The following LINGO2 variants were observed in gnomAD, a reference collection of about 807,000 sequenced individuals.
The protein encoded by LINGO2 is leucine rich repeat and Ig domain containing 2.
LINGO2 carries 14 observed loss-of-function variants against 30.6 expected under a neutral mutation model. The ratio of observed to expected loss-of-function variants is 0.46; its 90% CI spans 0.30 to 0.72. The LOEUF (loss-of-function observed/expected upper bound fraction) is 0.72. Ranked by LOEUF, LINGO2 falls within the 30% of genes least tolerant of loss-of-function variation. The probability of loss-of-function intolerance (pLI) is 0.07; values close to 1 mark genes in which losing one functional copy is unlikely to be tolerated. For synonymous variants in LINGO2, 317 were observed against 288.5 expected (o/e 1.10, Z -1.00); for missense variants, 729 against 751.7 (o/e 0.97, Z 0.35).
the LINGO2 span, among the ~76,000 whole-genome samples, chr9:29,085,281 T>TAAAAAAAAAAAAAAAAAAAAAA: frequency 1.3e-5 from 1 of 77,036 alleles, no homozygotes; most frequent in Admixed American, 1.6e-4. Flanking sequence ...CTATGGTAAG[T>TAAAAAAAAAAAAAAAAAAAAAA]AAAAAAAAAA....
chr9:28,985,020 C>T, the LINGO2 span, among the ~76,000 whole-genome samples: 3 of 152,042 alleles, frequency 2.0e-5, no homozygotes, highest in Non-Finnish European at 4.4e-5. Flanking sequence ...CATTATCTCC[C>T]CACTGCCTCC....
At chr9:28,950,798 A>T in the LINGO2 span, among the ~76,000 whole-genome samples, 1 of 152,188 alleles carries the variant, frequency 6.6e-6, no homozygotes, top group Non-Finnish European at 1.5e-5. Flanking sequence ...AAGAATCAAT[A>T]TGGTGGTGAA....
In LINGO2 at chr9:28,668,051, A is replaced by G. The variant is rs1184611030; in HGVS notation, c.-365+2149T>C. 1.2e-4 allele frequency among the ~76,000 whole-genome samples: 18 copies of G among 151,998 alleles called. 1 individual carries two copies. The highest frequency in any genetic ancestry group is 1.5e-5 in the Non-Finnish European group (1 of 68,032). ...ATATTCACAATTTTTCTAGCTCTTA[A>G]CTAATATCATGGATTTTTTTTTAAT... On this transcript the variant is annotated intron_variant, in intron 1 of 5. Coordinates refer to ENST00000379992, the Ensembl canonical transcript of LINGO2.
the LINGO2 span, among the ~76,000 whole-genome samples, chr9:28,733,834 T>C: frequency 6.6e-6 from 1 of 152,160 alleles, no homozygotes; most frequent in Non-Finnish European, 1.5e-5. Context: ...ATATCTATTC[T>C]TCATTGGCCA....
the LINGO2 span, among the ~76,000 whole-genome samples, chr9:29,203,152 T>C: frequency 6.6e-6 from 1 of 152,168 alleles, no homozygotes; most frequent in Non-Finnish European, 1.5e-5. Flanking sequence ...GAATATGTTC[T>C]AGAATGATCT....
the LINGO2 span, among the ~76,000 whole-genome samples, chr9:28,894,619 G>A: frequency 1.3e-5 from 2 of 151,566 alleles, no homozygotes; most frequent in Non-Finnish European, 2.9e-5. Flanking sequence ...AGAAGCAATA[G>A]TATTTTTTGC....
chr9:29,070,925 C>T, the LINGO2 span, among the ~76,000 whole-genome samples: 1 of 150,448 alleles, frequency 6.6e-6, no homozygotes, highest in East Asian at 2.0e-4. Flanking sequence ...CCTCTCCAAC[C>T]CCATCCTTGT....
intron 2 of LINGO2, among the ~76,000 whole-genome samples, chr9:28,457,505 C>T (rs1824897578): frequency 6.6e-6 from 1 of 152,066 alleles, no homozygotes; most frequent in African/African-American, 2.4e-5. Flanking sequence ...CCTCAAACTC[C>T]TGGGCTCAAG....
chr9:28,045,334 G>T (rs1824371226), intron 4 of LINGO2, among the ~76,000 whole-genome samples: 1 of 152,250 alleles, frequency 6.6e-6, no homozygotes. Context: ...TTTATAGACA[G>T]ACTGCTTAAA....
chr9:28,610,889 C>T (rs1168344003), intron 1 of LINGO2, among the ~76,000 whole-genome samples: 2 of 152,110 alleles, frequency 1.3e-5, no homozygotes, highest in Non-Finnish European at 2.9e-5. Flanking sequence ...AGATCTCTAA[C>T]ATTTTATTTT....
chr9:29,082,626 G>A, the LINGO2 span, among the ~76,000 whole-genome samples: 1 of 151,854 alleles, frequency 6.6e-6, no homozygotes. Flanking sequence ...AAAGAAAGTA[G>A]CATCAGAGTG....
chr9:28,852,335 G>T, the LINGO2 span, among the ~76,000 whole-genome samples: 8 of 151,918 alleles, frequency 5.3e-5, no homozygotes, highest in Non-Finnish European at 1.2e-4. Context: ...GTATTACAGA[G>T]AACAAAGGCT....
the LINGO2 span, chr9:28,889,010 C>A: frequency 4.2e-6 from 2 of 481,244 alleles, no homozygotes; most frequent in East Asian, 6.1e-5. Flanking sequence ...ATATTTCCTC[C>A]ATTTCAAGTG....
chr9:28,475,825 T>C (rs1275781118), intron 2 of LINGO2, 115 bp downstream of exon 4: 1 of 152,594 alleles, frequency 6.6e-6, no homozygotes, highest in Non-Finnish European at 1.5e-5. Context: ...TGAAAATACA[T>C]TTCACAGGGT....
intron 1 of LINGO2, among the ~76,000 whole-genome samples, chr9:28,476,436 C>T (rs1259999500): frequency 9.2e-5 from 14 of 152,044 alleles, no homozygotes; most frequent in African/African-American, 2.4e-4. Flanking sequence ...CCACCACGCC[C>T]GGCTAATTTT....
At chr9:28,296,601 T>C (rs982753006) in intron 3 of LINGO2, among the ~76,000 whole-genome samples, 6 of 152,176 alleles carry the variant, frequency 3.9e-5, no homozygotes, top group Non-Finnish European at 5.9e-5. Flanking sequence ...TGATATCCTA[T>C]TACACCATTT....
the LINGO2 span, among the ~76,000 whole-genome samples, chr9:28,772,207 T>C: frequency 6.6e-6 from 1 of 152,236 alleles, no homozygotes; most frequent in Admixed American, 6.5e-5. Context: ...CTTGCAAGAT[T>C]GATTATTATA....
the LINGO2 span, among the ~76,000 whole-genome samples, chr9:29,126,236 C>G: frequency 2.5e-3 from 379 of 151,460 alleles, 1 homozygote; most frequent in African/African-American, 8.6e-3. Context: ...ATTGAGTAGC[C>G]AGAACAATGT....
At chr9:28,992,141 C>T in the LINGO2 span, among the ~76,000 whole-genome samples, 11 of 152,132 alleles carry the variant, frequency 7.2e-5, no homozygotes, top group Middle Eastern at 3.4e-3. Context: ...CAGAGACACA[C>T]ATAGGCTCAA....
Sources: gnomAD v4.1 joint callset for allele counts (sites outside exome capture counted in the v4.1 genomes callset) on GRCh38, gnomAD v4.1.1 for gene constraint, MANE v1.5 for transcripts, NCBI Gene and HGNC (gene_info 2026-07-23, HGNC 2026-07-21) for gene names.